Variants in MYO5B observed in about 807,000 individuals in gnomAD.
MYO5B encodes the protein myosin VB.
In MYO5B, 143 loss-of-function variants were observed where a neutral mutation model predicts 229.3. The observed-to-expected ratio is 0.62, with a 90% confidence interval of 0.54 to 0.72. MYO5B has a LOEUF of 0.72. MYO5B is among the 30% of genes least tolerant of loss of function. The pLI is 0.00. For missense variants in MYO5B, 2,321 were observed against 2,331.0 expected (o/e 1.00, Z 0.09); for synonymous variants, 918 against 885.2 (o/e 1.04, Z -0.66).
chr18:50,104,178 A>G (rs1240606050), intron 1 of MYO5B, among the ~76,000 whole-genome samples: 2 of 111,994 alleles, frequency 1.8e-5, no homozygotes, highest in East Asian at 3.3e-4. Flanking sequence ...AAAAAGAAAA[A>G]AAAGAAAATT....
At chr18:50,170,025 G>T (rs1266325976) in intron 1 of MYO5B, among the ~76,000 whole-genome samples, 1 of 127,876 alleles carries the variant, frequency 7.8e-6, no homozygotes, top group Non-Finnish European at 1.7e-5. Flanking sequence ...TACAGCCAAA[G>T]AAGTCATAAC....
chr18:49,841,286 T>TA, intron 35 of MYO5B, 79 bp downstream of exon 35: 1 of 1,358,230 alleles, frequency 7.4e-7, no homozygotes, highest in Non-Finnish European at 1.1e-6. Context: ...CCCACTGACC[T>TA]CTGAGGGTAT....
intron 29 of MYO5B, among the ~76,000 whole-genome samples, chr18:49,857,590 G>C (rs1316872017): frequency 6.6e-6 from 1 of 152,228 alleles, no homozygotes; most frequent in Non-Finnish European, 1.5e-5. Flanking sequence ...TGATGCCCTA[G>C]ATGAGAACTG....
At chr18:49,902,270 C>T (rs2024849939) in intron 21 of MYO5B, among the ~76,000 whole-genome samples, 1 of 133,556 alleles carries the variant, frequency 7.5e-6, no homozygotes, top group Non-Finnish European at 1.6e-5. Context: ...CTTGATCCTC[C>T]AGCCTCCCTC....
chr18:50,102,460 A>G (rs369877826), intron 1 of MYO5B, among the ~76,000 whole-genome samples: 30 of 152,342 alleles, frequency 2.0e-4, no homozygotes, highest in African/African-American at 7.2e-4. Context: ...AAAGCCAGGT[A>G]AGGAACCTCC....
intron 26 of MYO5B, among the ~76,000 whole-genome samples, chr18:49,873,629 T>C (rs1030658382): frequency 6.6e-6 from 1 of 152,236 alleles, no homozygotes; most frequent in Non-Finnish European, 1.5e-5. Context: ...TTGTGTTCTA[T>C]GTAGCATGGA....
At chr18:49,855,925 C>T (rs938970682) in intron 30 of MYO5B, among the ~76,000 whole-genome samples, 1 of 152,250 alleles carries the variant, frequency 6.6e-6, no homozygotes, top group South Asian at 2.1e-4. Flanking sequence ...ACTCATGCCA[C>T]CTTGTTGAGT....
intron 4 of MYO5B, among the ~76,000 whole-genome samples, chr18:50,018,133 G>A (rs1478147529): frequency 1.3e-5 from 2 of 152,062 alleles, no homozygotes; most frequent in Non-Finnish European, 2.9e-5. Flanking sequence ...AGGCTGGATG[G>A]CTATTCACAG....
At chr18:50,094,035 CT>C (rs1237068340) in intron 1 of MYO5B, among the ~76,000 whole-genome samples, 6 of 152,198 alleles carry the variant, frequency 3.9e-5, no homozygotes, top group African/African-American at 7.2e-5. Context: ...AATTCATTTA[CT>C]TTAATAAACT....
chr18:49,961,020 G>T (rs559907830), intron 12 of MYO5B, among the ~76,000 whole-genome samples: 52 of 152,228 alleles, frequency 3.4e-4, no homozygotes, highest in Non-Finnish European at 6.9e-4. Context: ...AGCTGGAGGA[G>T]ACGGTTACTG....
At chr18:50,058,732 G>A (rs2030614161) in intron 1 of MYO5B, among the ~76,000 whole-genome samples, 1 of 152,020 alleles carries the variant, frequency 6.6e-6, no homozygotes, top group Non-Finnish European at 1.5e-5. Flanking sequence ...AATCGCTTGA[G>A]TCCGGGAGGC....
intron 14 of MYO5B, among the ~76,000 whole-genome samples, chr18:49,945,764 G>C (rs1434293150): frequency 1.5e-5 from 1 of 64,596 alleles, no homozygotes; most frequent in South Asian, 7.7e-4. Flanking sequence ...GGGAGGAGGA[G>C]GAGGAGGAGA....
At position 50,194,970 on chromosome 18, in the gene MYO5B, G is replaced by T. The variant is rs369578654; in HGVS notation, c.-177C>A. On this transcript the variant is annotated 5_prime_UTR_variant, in exon 1 of 40. Coordinates refer to ENST00000285039, the MANE Select transcript of MYO5B (RefSeq NM_001080467.3). Reference sequence around the variant, plus strand: ...GCGCCGCGGCCGGCTCGCTCCCGGCGGCGCGACCTTTACTCCCGCCGCGGC... The same window carrying T: ...GCGCCGCGGCCGGCTCGCTCCCGGCTGCGCGACCTTTACTCCCGCCGCGGC... 15 of 954,234 alleles carry T rather than the reference G, an allele frequency of 1.6e-5. No homozygotes were observed. In the East Asian group the frequency reaches 2.9e-4, roughly 19 times the overall value. The allele number at this position is 954,234 out of a possible 1,614,324, so 59.1% of individuals were successfully genotyped here.
Position 49,889,088 on chromosome 18 carries a change from G to C in MYO5B, c.3045+5853C>G, listed in dbSNP as rs1412268608. On this transcript the variant is annotated intron_variant, in intron 22 of 39. Coordinates refer to ENST00000285039, the MANE Select transcript of MYO5B (RefSeq NM_001080467.3). Reference sequence around the variant, plus strand: ...TGAATAGAAGGGCCCTGCAGACCAAGTTAAGGAGCCTGCATTCCCTCAGTC... The same window carrying C: ...TGAATAGAAGGGCCCTGCAGACCAACTTAAGGAGCCTGCATTCCCTCAGTC... Among the ~76,000 whole-genome samples, 3 of 152,244 alleles carry C rather than the reference G, an allele frequency of 2.0e-5. No homozygotes were observed. The East Asian group carries it at 5.8e-4, about 29-fold the overall frequency.
intron 1 of MYO5B, among the ~76,000 whole-genome samples, chr18:50,084,782 T>C (rs1182551401): frequency 1.3e-5 from 2 of 152,188 alleles, no homozygotes; most frequent in Non-Finnish European, 2.9e-5. Flanking sequence ...CATCTGATCT[T>C]TGACAAACCT....
Position 49,912,125 on chromosome 18 carries a change from C to T in MYO5B, c.2139G>A (p.Lys713=), listed in dbSNP as rs767115157. 1 of 1,614,114 alleles carries T rather than the reference C, an allele frequency of 6.2e-7. No homozygotes were observed. The highest frequency in any genetic ancestry group is 1.1e-5 in the South Asian group (1 of 91,070). Residue 713 remains lysine (K), a synonymous_variant, in exon 18 of 40, where the codon AAG becomes AAA. Coordinates refer to ENST00000285039, the MANE Select transcript of MYO5B (RefSeq NM_001080467.3). ...TTTTGTCTGTGTTGGCGAGCTCTCT[C>T]TTCTTGACCAGCACCCGATACCGGT... The part of the protein sequence containing the change: ...FFNRYRVLVK[K]RELANTDKKA...
chr18:49,983,549 C>G (rs967127279), intron 8 of MYO5B, among the ~76,000 whole-genome samples: 4 of 152,236 alleles, frequency 2.6e-5, no homozygotes, highest in Admixed American at 2.0e-4. Flanking sequence ...GGCTGTTCTT[C>G]CCCCACCACC....
intron 8 of MYO5B, among the ~76,000 whole-genome samples, chr18:49,982,551 G>T (rs922056827): frequency 6.6e-6 from 1 of 152,034 alleles, no homozygotes; most frequent in South Asian, 2.1e-4. Context: ...TCACGCTATG[G>T]GAAGCAAAAA....
intron 2 of MYO5B, among the ~76,000 whole-genome samples, chr18:50,042,002 C>A (rs1188036517): frequency 6.6e-6 from 1 of 152,156 alleles, no homozygotes; most frequent in Non-Finnish European, 1.5e-5. Flanking sequence ...AACTATTCAA[C>A]TTCATCAGTA....
Sources: allele counts gnomAD v4.1 joint callset (sites outside exome capture counted in the v4.1 genomes callset), GRCh38; gene constraint gnomAD v4.1.1; transcripts MANE v1.5; gene names NCBI Gene and HGNC (gene_info 2026-07-23, HGNC 2026-07-21).